The following RBMS3 variants were observed in gnomAD, a reference collection of about 807,000 sequenced individuals.
The protein encoded by RBMS3 is RNA binding motif single stranded interacting protein 3.
In RBMS3, 27 loss-of-function variants were observed where a neutral mutation model predicts 66.8. The ratio of observed to expected loss-of-function variants is 0.40; its 90% CI spans 0.30 to 0.56. The LOEUF is 0.56. Among genes scored for constraint, RBMS3 ranks in the 20% least tolerant of loss-of-function variants. The probability of loss-of-function intolerance (pLI) is 0.40; values close to 1 mark genes in which losing one functional copy is unlikely to be tolerated. For synonymous variants in RBMS3, 188 were observed against 183.0 expected (o/e 1.03, Z -0.22); for missense variants, 513 against 549.5 (o/e 0.93, Z 0.66).
At chr3:29,409,167 A>C (rs2040157278) in intron 1 of RBMS3, among the ~76,000 whole-genome samples, 1 of 146,346 alleles carries the variant, frequency 6.8e-6, no homozygotes, top group Non-Finnish European at 1.5e-5. Context: ...ACAAATAGAA[A>C]TAGATAAAAA....
At chr3:29,981,643 A>G (rs1202349974) in intron 12 of RBMS3, among the ~76,000 whole-genome samples, 2 of 152,104 alleles carry the variant, frequency 1.3e-5, no homozygotes, top group Non-Finnish European at 2.9e-5. Context: ...ATGAAGGGCT[A>G]TTGAATTTTG....
chr3:29,928,825 G>C (rs1165085097), intron 10 of RBMS3, among the ~76,000 whole-genome samples: 1 of 151,248 alleles, frequency 6.6e-6, no homozygotes, highest in Non-Finnish European at 1.5e-5. Flanking sequence ...TTTGAACCAG[G>C]CTACTGGTCA....
intron 1 of RBMS3, among the ~76,000 whole-genome samples, chr3:29,294,254 T>G (rs1357751415): frequency 1.3e-5 from 2 of 151,836 alleles, no homozygotes; most frequent in African/African-American, 4.8e-5. Flanking sequence ...CTGTGATGCT[T>G]TATGTCAAAA....
At chr3:29,335,808 T>C (rs749366841) in intron 1 of RBMS3, among the ~76,000 whole-genome samples, 2 of 152,146 alleles carry the variant, frequency 1.3e-5, no homozygotes, top group Non-Finnish European at 2.9e-5. Flanking sequence ...TGTGAAGATA[T>C]CTTTTTCTCT....
At chr3:29,784,666 A>C (rs1420753239) in intron 6 of RBMS3, among the ~76,000 whole-genome samples, 1 of 152,148 alleles carries the variant, frequency 6.6e-6, no homozygotes, top group Admixed American at 6.6e-5. Context: ...GCCCAACAGA[A>C]GAAAATACGT....
chr3:29,756,138 A>G (rs1324135389), intron 5 of RBMS3, among the ~76,000 whole-genome samples: 1 of 152,132 alleles, frequency 6.6e-6, no homozygotes, highest in Non-Finnish European at 1.5e-5. Flanking sequence ...TTTTTCTGAC[A>G]CCAAATGTGT....
chr3:29,858,097 G>A (rs2059126086), intron 6 of RBMS3, among the ~76,000 whole-genome samples: 1 of 152,066 alleles, frequency 6.6e-6, no homozygotes, highest in Non-Finnish European at 1.5e-5. Flanking sequence ...ATATAGTTAT[G>A]CATTTTTGAA....
intron 4 of RBMS3, among the ~76,000 whole-genome samples, chr3:29,623,724 A>G (rs2048960150): frequency 6.6e-6 from 1 of 152,244 alleles, no homozygotes; most frequent in South Asian, 2.1e-4. Flanking sequence ...TGAAGAAACT[A>G]AGTAAACTTC....
chr3:29,345,251 G>A (rs757260101), intron 1 of RBMS3, among the ~76,000 whole-genome samples: 3 of 152,162 alleles, frequency 2.0e-5, no homozygotes, highest in South Asian at 2.1e-4. Context: ...CTACCTGATA[G>A]TCTTGTCTAT....
At chr3:29,320,741 G>T (rs1047353598) in intron 1 of RBMS3, among the ~76,000 whole-genome samples, 4 of 152,012 alleles carry the variant, frequency 2.6e-5, no homozygotes, top group East Asian at 1.9e-4. Flanking sequence ...TAGTTATTAA[G>T]AATTTGAATA....
intron 3 of RBMS3, among the ~76,000 whole-genome samples, chr3:29,535,710 C>CGTTT (rs2045527590): frequency 2.5e-5 from 1 of 39,732 alleles, no homozygotes; most frequent in Non-Finnish European, 4.2e-5. Context: ...GATCATTGCT[C>CGTTT]TTTTTTTTTT....
At chr3:29,969,931 C>G (rs1697116587) in intron 12 of RBMS3, among the ~76,000 whole-genome samples, 1 of 152,078 alleles carries the variant, frequency 6.6e-6, no homozygotes, top group Non-Finnish European at 1.5e-5. Context: ...ATTGATCCCT[C>G]TTTTAAAAAT....
At position 29,990,954 on chromosome 3, in the gene RBMS3, T is replaced by C. The variant is rs1052792582; in HGVS notation, c.1180-128T>C. On this transcript the variant is annotated intron_variant, in intron 13 of 14. Coordinates refer to ENST00000383767, the MANE Select transcript of RBMS3 (RefSeq NM_001003793.3). ...GCTCTCTGGGTTTCCTCTGAGTACT[T>C]ATTGTGACTTCATGTAGCTGAGGGT... 6 of 808,232 alleles carry C rather than the reference T, an allele frequency of 7.4e-6. No individual in the cohort carries two copies. In the African/African-American group the frequency reaches 1.0e-4, roughly 14 times the overall value. The allele number at this position is 808,232 out of a possible 1,614,324, so 50.1% of individuals were successfully genotyped here.
chr3:29,313,359 A>C (rs1421431341), intron 1 of RBMS3, among the ~76,000 whole-genome samples: 3 of 151,740 alleles, frequency 2.0e-5, no homozygotes, highest in African/African-American at 7.2e-5. Flanking sequence ...CACTGCCTCG[A>C]GTAGAGAAAG....
At chr3:29,656,217 C>T (rs905540661) in intron 4 of RBMS3, among the ~76,000 whole-genome samples, 1 of 152,112 alleles carries the variant, frequency 6.6e-6, no homozygotes, top group African/African-American at 2.4e-5. Flanking sequence ...ATGTTCTAGG[C>T]CCTCACATTC....
At chr3:29,475,572 A>G (rs561319112) in intron 2 of RBMS3, among the ~76,000 whole-genome samples, 117 of 152,142 alleles carry the variant, frequency 7.7e-4, no homozygotes, top group Non-Finnish European at 1.2e-3. Flanking sequence ...TCTTATTTAC[A>G]CCACAATTAA....
At chr3:29,544,344 CTGA>C (rs1290615744) in intron 3 of RBMS3, among the ~76,000 whole-genome samples, 1 of 151,888 alleles carries the variant, frequency 6.6e-6, no homozygotes, top group African/African-American at 2.4e-5. Flanking sequence ...TTGTTTTTCA[CTGA>C]TGATAAAATC....
intron 1 of RBMS3, among the ~76,000 whole-genome samples, chr3:29,326,221 A>G (rs1236342235): frequency 6.6e-6 from 1 of 152,138 alleles, no homozygotes; most frequent in Non-Finnish European, 1.5e-5. Context: ...TACATAATAT[A>G]TATGGACTAA....
Position 29,450,048 on chromosome 3 carries a change from A to G in RBMS3, c.248+15133A>G, listed in dbSNP as rs563336183. 2.6e-5 allele frequency among the ~76,000 whole-genome samples: 4 copies of G among 152,278 alleles called. No homozygotes were observed. In the East Asian group the frequency reaches 7.7e-4, roughly 29 times the overall value. ...CTGGGAAAACTGAGAGAAGCAGAGG[A>G]ACCACAGCCCCCAAGCTAGTGCCAA... is the stretch of plus-strand genomic sequence containing the variant. On this transcript the variant is annotated intron_variant, in intron 2 of 14. Transcript: ENST00000383767.
Sources: gnomAD v4.1 joint callset for allele counts (sites outside exome capture counted in the v4.1 genomes callset) on GRCh38, gnomAD v4.1.1 for gene constraint, MANE v1.5 for transcripts, NCBI Gene and HGNC (gene_info 2026-07-23, HGNC 2026-07-21) for gene names.